DSCAM: variants seen among roughly 807,000 people sequenced by gnomAD.
The protein encoded by DSCAM is DS cell adhesion molecule, also known as cell adhesion molecule DSCAM.
DSCAM carries 47 observed loss-of-function variants against 217.7 expected under a neutral mutation model. That is an observed-to-expected ratio of 0.22 (90% CI 0.17 to 0.28). The LOEUF (loss-of-function observed/expected upper bound fraction) is 0.28, where lower values mean the gene tolerates loss of function less well. DSCAM is among the 10% of genes least tolerant of loss of function. The pLI is 1.00. For synonymous variants in DSCAM, 1,056 were observed against 1,015.3 expected (o/e 1.04, Z -0.76); for missense variants, 2,080 against 2,618.3 (o/e 0.79, Z 4.49).
chr21:40,545,329 C>G (rs1278754631), intron 3 of DSCAM, among the ~76,000 whole-genome samples: 1 of 152,162 alleles, frequency 6.6e-6, no homozygotes, highest in Non-Finnish European at 1.5e-5. Flanking sequence ...GACCAAGGAC[C>G]TACAAAATAT....
At chr21:40,071,321 A>C (rs2089290164) in intron 27 of DSCAM, among the ~76,000 whole-genome samples, 1 of 152,226 alleles carries the variant, frequency 6.6e-6, no homozygotes. Context: ...TTTAGAGTTT[A>C]GGAGGTCGCC....
intron 6 of DSCAM, among the ~76,000 whole-genome samples, chr21:40,346,823 C>A (rs954562415): frequency 2.0e-4 from 31 of 152,318 alleles, no homozygotes; most frequent in African/African-American, 7.2e-4. Flanking sequence ...ATTCTACCAA[C>A]CACTGTACTG....
Position 40,347,925 on chromosome 21 carries a change from T to C in DSCAM, c.955A>G (p.Ser319Gly). 1 of 1,612,752 alleles carries C rather than the reference T, an allele frequency of 6.2e-7. No homozygotes were observed. Among genetic ancestry groups the C allele is most frequent in the Non-Finnish European group, 8.5e-7 (1 of 1,178,996 alleles). Residue 319 changes from serine to glycine, a missense_variant, in exon 6 of 33, where the codon AGT (serine) becomes GGT (glycine). This residue lies in a region of DSCAM where 568 missense variants were observed against 678.1 expected (regional missense o/e 0.84). Coordinates refer to ENST00000400454, the MANE Select transcript of DSCAM (RefSeq NM_001389.5). ...ACGCTGCTTTTAACCTTCCTGGGAC[T>C]GATGGTGGCTTTCAGTGGCTCTGGA... ...YVKQPLKATI[S>G]PRKVKSSVGS...
chr21:40,115,821 A>G lies in DSCAM; in HGVS notation c.3696+8374T>C, dbSNP rs555013459. On this transcript the variant is annotated intron_variant, in intron 20 of 32. Coordinates refer to ENST00000400454, the MANE Select transcript of DSCAM (RefSeq NM_001389.5). ...TTACTGGGTATATACCCAAAGGAAT[A>G]GAAATCATTATGTTATAAAGACACA... Among the ~76,000 whole-genome samples the G allele has an allele frequency of 4.6e-5, 7 of 152,358 alleles. No individual in the cohort carries two copies. The South Asian group carries it at 1.4e-3, about 32-fold the overall frequency.
rs189384469 is a variant in DSCAM at position 40,387,384 on chromosome 21, C to T, written c.509-18139G>A. ...GGACCTCCAAAAAAAAAAAAACAGC[C>T]TTTGCAAATACCCTTGCCTTCCTAG... On this transcript the variant is annotated intron_variant, in intron 3 of 32. Transcript: ENST00000400454. 3.2e-3 allele frequency among the ~76,000 whole-genome samples: 483 copies of T among 152,180 alleles called. 2 individuals are homozygous for T. Among genetic ancestry groups the T allele is most frequent in the African/African-American group, 0.01 (432 of 41,524 alleles).
At chr21:40,054,724 T>C (rs747957671) in intron 29 of DSCAM, among the ~76,000 whole-genome samples, 1 of 152,090 alleles carries the variant, frequency 6.6e-6, no homozygotes, top group East Asian at 1.9e-4. Context: ...AAGCAGCCTG[T>C]TGGTGTGGAA....
intron 9 of DSCAM, among the ~76,000 whole-genome samples, chr21:40,299,899 G>T (rs964799229): frequency 1.3e-5 from 2 of 152,078 alleles, no homozygotes; most frequent in Admixed American, 1.3e-4. Flanking sequence ...CTAAGAAATT[G>T]TCCTAAAAGA....
At chr21:40,739,620 A>C (rs1377678757) in intron 1 of DSCAM, among the ~76,000 whole-genome samples, 6 of 152,152 alleles carry the variant, frequency 3.9e-5, no homozygotes, top group African/African-American at 1.4e-4. Context: ...TTTTAACTTC[A>C]TCACCTCGTT....
At chr21:40,253,907 C>A (rs142275254) in intron 11 of DSCAM, among the ~76,000 whole-genome samples, 98 of 152,290 alleles carry the variant, frequency 6.4e-4, no homozygotes, top group Non-Finnish European at 1.2e-3. Context: ...GAGGTTCTAG[C>A]AGATTATCAA....
chr21:40,083,704 C>G (rs1350705865), intron 24 of DSCAM, among the ~76,000 whole-genome samples: 2 of 152,106 alleles, frequency 1.3e-5, no homozygotes. Context: ...AATGAGCATC[C>G]TTGGATGAAT....
intron 3 of DSCAM, among the ~76,000 whole-genome samples, chr21:40,654,029 A>AG (rs1362184835): frequency 1.3e-5 from 2 of 151,760 alleles, no homozygotes; most frequent in Non-Finnish European, 2.9e-5. Flanking sequence ...CAGGAGGCGG[A>AG]GGTTGCAGTG....
At chr21:40,644,754 C>T (rs77720438) in intron 3 of DSCAM, among the ~76,000 whole-genome samples, 2,703 of 152,248 alleles carry the variant, frequency 0.018, 97 homozygotes, top group African/African-American at 0.062. Context: ...TTTGTTACTT[C>T]GTTCATTGCT....
intron 1 of DSCAM, among the ~76,000 whole-genome samples, chr21:40,782,008 A>AAG (rs2091550767): frequency 6.7e-6 from 1 of 149,926 alleles, no homozygotes; most frequent in African/African-American, 2.4e-5. Flanking sequence ...AAAAAAAAAA[A>AAG]AAGAAAAAAA....
chr21:40,575,887 G>A (rs952448504), intron 3 of DSCAM, among the ~76,000 whole-genome samples: 1 of 152,110 alleles, frequency 6.6e-6, no homozygotes, highest in Non-Finnish European at 1.5e-5. Context: ...ATGAGCACAT[G>A]TAACAGCATC....
intron 3 of DSCAM, among the ~76,000 whole-genome samples, chr21:40,448,657 T>G (rs2075694873): frequency 6.6e-6 from 1 of 152,182 alleles, no homozygotes; most frequent in Non-Finnish European, 1.5e-5. Flanking sequence ...ATCTATCTAC[T>G]TTATCTAATC....
chr21:40,089,504 C>A (rs60556288), intron 21 of DSCAM, among the ~76,000 whole-genome samples: 23,276 of 152,162 alleles, frequency 0.15, 1,927 homozygotes, highest in Middle Eastern at 0.21. Flanking sequence ...GGGGCTTCCC[C>A]CAGGACCAGT....
intron 5 of DSCAM, 107 bp from the exon 6 acceptor site, chr21:40,348,052 T>C (rs1227896140): frequency 8.5e-7 from 1 of 1,174,158 alleles, no homozygotes; most frequent in Admixed American, 2.6e-5. Context: ...GCAATCATAC[T>C]CCACACAGTT....
rs775339842 is a variant in DSCAM, at chr21:40,013,179, G to A, written c.5894C>T (p.Pro1965Leu). Residue 1965 changes from proline (P) to leucine (L), a missense_variant, in exon 33 of 33, where the codon CCG (proline) becomes CTG (leucine). Pro to Leu is a moderately conservative substitution (Grantham distance 98). Around this residue, in one of 5 missense-constraint regions of DSCAM, gnomAD observed 145 missense variants for 138.5 expected, o/e 1.05. Coordinates refer to ENST00000400454, the MANE Select transcript of DSCAM (RefSeq NM_001389.5). ...SSTREGQSWQ[P>L]GAVATLPQRE... ...CTGAGGTAATGTGGCCACGGCCCCCGGCTGCCACGACTGTCCTTCTCTCGT... is the reference window on the plus strand; with the variant it reads ...CTGAGGTAATGTGGCCACGGCCCCCAGCTGCCACGACTGTCCTTCTCTCGT... 6.2e-6 allele frequency: 10 copies of A among 1,613,540 alleles called. No individual in the cohort carries two copies. Among genetic ancestry groups the A allele is most frequent in the South Asian group, 2.2e-5 (2 of 90,900 alleles).
At chr21:40,376,589 T>TACATAG (rs1555911108) in intron 3 of DSCAM, among the ~76,000 whole-genome samples, 1 of 14,064 alleles carries the variant, frequency 7.1e-5, no homozygotes, top group African/African-American at 2.8e-4. Context: ...CTATATATCT[T>TACATAG]ATATCGATAT....
Sources: gnomAD v4.1 joint callset for allele counts (sites outside exome capture counted in the v4.1 genomes callset) on GRCh38, gnomAD v4.1.1 for gene constraint, gnomAD v4.1.1 regional missense constraint, MANE v1.5 for transcripts, NCBI Gene and HGNC (gene_info 2026-07-23, HGNC 2026-07-21) for gene names.